Variants in TGFBR1 observed in about 807,000 individuals in gnomAD.
The protein encoded by TGFBR1 is TGF-beta receptor type-1.
A neutral mutation model predicts 55.1 loss-of-function variants in TGFBR1; 20 were observed. The ratio of observed to expected loss-of-function variants is 0.36; its 90% CI spans 0.26 to 0.53. The LOEUF is 0.53. Among genes scored for constraint, TGFBR1 ranks in the 20% least tolerant of loss-of-function variants. The pLI, the probability that TGFBR1 is intolerant of heterozygous loss-of-function variation, is 0.91. For synonymous variants in TGFBR1, 220 were observed against 214.8 expected, an observed-to-expected ratio of 1.02 and a Z score of -0.21; for missense variants, 385 against 617.6, an observed-to-expected ratio of 0.62 and a Z score of 3.99.
In TGFBR1 at chr9:99,114,101, C is replaced by T. The variant is rs145440675; in HGVS notation, c.97+8799C>T. On this transcript the variant is annotated intron_variant, in intron 1 of 8. Transcript: ENST00000374994. ...CAAGATGAGCAGTATCTTGTTGCTC[C>T]TGTATTATACGAGAAAAGTTAGTTT... 3.8e-4 allele frequency among the ~76,000 whole-genome samples: 58 copies of T among 152,230 alleles called. No homozygotes were observed. The East Asian group carries it at 0.011, about 28-fold the overall frequency.
Position 99,140,463 on chromosome 9 carries a change from A to C in TGFBR1, c.806-2073A>C, listed in dbSNP as rs138475042. On this transcript the variant is annotated intron_variant, in intron 4 of 8. Transcript: ENST00000374994. Reference sequence around the variant, plus strand: ...ACAGGGAGACTCTGTCTCAAAAAAAAAACAACAACAAAACAAAACAAAACA... The same window carrying C: ...ACAGGGAGACTCTGTCTCAAAAAAACAACAACAACAAAACAAAACAAAACA... 3.8e-3 allele frequency among the ~76,000 whole-genome samples: 577 copies of C among 152,092 alleles called. 12 individuals are homozygous for C. The highest frequency in any genetic ancestry group is 0.034 in the East Asian group (174 of 5,188).
chr9:99,123,324 A>C (rs1038611453), intron 1 of TGFBR1, among the ~76,000 whole-genome samples: 3 of 152,142 alleles, frequency 2.0e-5, no homozygotes, highest in Non-Finnish European at 1.5e-5. Context: ...TGTGCATCTC[A>C]AGATTAAGAA....
intron 5 of TGFBR1, among the ~76,000 whole-genome samples, 198 bp downstream of exon 5, chr9:99,142,901 T>TA (rs1827666504): frequency 6.6e-6 from 1 of 151,936 alleles, no homozygotes; most frequent in Non-Finnish European, 1.5e-5. Flanking sequence ...TCTACCAACA[T>TA]ACAAAAAATT....
chr9:99,114,995 A>G (rs200434637), intron 1 of TGFBR1, among the ~76,000 whole-genome samples: 20 of 152,212 alleles, frequency 1.3e-4, no homozygotes, highest in Non-Finnish European at 2.9e-5. Context: ...CAGTAATCCC[A>G]GTATTCATGG....
intron 7 of TGFBR1, 112 bp from the exon 8 acceptor site, chr9:99,147,542 C>T (rs1216825751): frequency 9.9e-7 from 1 of 1,013,964 alleles, no homozygotes; most frequent in East Asian, 2.5e-5. Context: ...CTCTGTTCCA[C>T]ATACCTACTT....
intron 3 of TGFBR1, among the ~76,000 whole-genome samples, chr9:99,136,380 CT>C (rs1193017798): frequency 6.6e-6 from 1 of 152,076 alleles, no homozygotes; most frequent in Non-Finnish European, 1.5e-5. Context: ...ATTCCTTTTT[CT>C]TTTTTATTAC....
At chr9:99,134,799 CCATTATATATATATATATATAT>C (rs1171663603) in intron 3 of TGFBR1, among the ~76,000 whole-genome samples, 5 of 69,746 alleles carry the variant, frequency 7.2e-5, no homozygotes, top group African/African-American at 2.2e-4. Flanking sequence ...AATTCTGTTT[CCATTATATATATATATATATAT>C]ATATATATAT....
chr9:99,112,274 G>A (rs1282564257), intron 1 of TGFBR1, among the ~76,000 whole-genome samples: 1 of 151,412 alleles, frequency 6.6e-6, no homozygotes. Context: ...TAGTAGTAGG[G>A]CCTGTGTGTG....
intron 8 of TGFBR1, 117 bp downstream of exon 8, chr9:99,147,901 G>C (rs542240716): frequency 4.1e-6 from 5 of 1,223,514 alleles, no homozygotes; most frequent in Non-Finnish European, 5.9e-6. Context: ...TTTCATAGCA[G>C]TCAAACCAAT....
upstream of TGFBR1, chr9:99,105,012 T>G (rs1409399937): frequency 2.9e-5 from 10 of 342,112 alleles, no homozygotes; most frequent in Non-Finnish European, 3.5e-5. Flanking sequence ...GGGTCCCGCT[T>G]GGCAGCTCGC....
rs536066809 is a variant in TGFBR1, at chr9:99,136,699, C to T, written c.575-1160C>T. 8.5e-5 allele frequency among the ~76,000 whole-genome samples: 13 copies of T among 152,162 alleles called. No individual in the cohort carries two copies. In the South Asian group the frequency reaches 2.3e-3, roughly 27 times the overall value. ...AGGAAGAAAGGACCCGTTTGAGAAA[C>T]TTAAGAAGAAGAGCTTCTGATCGCT... On this transcript the variant is annotated intron_variant, in intron 3 of 8. Coordinates refer to ENST00000374994, the MANE Select transcript of TGFBR1 (RefSeq NM_004612.4).
At chr9:99,132,388 C>T (rs1827262420) in intron 2 of TGFBR1, 121 bp from the exon 3 acceptor site, 1 of 1,524,104 alleles carries the variant, frequency 6.6e-7, no homozygotes, top group South Asian at 1.2e-5. Context: ...TAATGAGGCT[C>T]TTTGGCTAAG....
chr9:99,144,353 A>G (rs1291144366), intron 5 of TGFBR1, among the ~76,000 whole-genome samples: 7 of 152,178 alleles, frequency 4.6e-5, no homozygotes, highest in Non-Finnish European at 1.0e-4. Flanking sequence ...CTTAATACTG[A>G]GTACATTGCA....
intron 1 of TGFBR1, among the ~76,000 whole-genome samples, chr9:99,126,017 A>G (rs182833963): frequency 6.6e-6 from 1 of 152,332 alleles, no homozygotes; most frequent in Admixed American, 6.5e-5. Context: ...AGCACTATGG[A>G]ACATATTGAA....
chr9:99,129,894 G>A (rs922855762), intron 2 of TGFBR1, among the ~76,000 whole-genome samples: 2 of 151,550 alleles, frequency 1.3e-5, no homozygotes, highest in Non-Finnish European at 2.9e-5. Context: ...GTGAGGCTCT[G>A]TCTAAAAAAA....
intron 1 of TGFBR1, among the ~76,000 whole-genome samples, chr9:99,107,191 C>G (rs1299510770): frequency 6.6e-6 from 1 of 152,238 alleles, no homozygotes; most frequent in African/African-American, 2.4e-5. Context: ...TAAGCCCAGA[C>G]TGCCTCAGCT....
At chr9:99,144,649 G>A in intron 5 of TGFBR1, 83 bp from the exon 6 acceptor site, 2 of 1,549,584 alleles carry the variant, frequency 1.3e-6, no homozygotes. Context: ...TTTGGGTTGG[G>A]AGAAGAGACT....
At chr9:99,138,854 G>A (rs1046815854) in intron 4 of TGFBR1, among the ~76,000 whole-genome samples, 1 of 151,834 alleles carries the variant, frequency 6.6e-6, no homozygotes, top group Non-Finnish European at 1.5e-5. Context: ...CTGGAGTACA[G>A]TGGTGCAATC....
rs1408991151 is a variant in TGFBR1 at position 99,149,510 on chromosome 9, CG to C, written c.*206del. The C allele has an allele frequency of 3.5e-6, 2 of 576,906 alleles. No individual in the cohort carries two copies. The highest frequency in any genetic ancestry group is 6.1e-6 in the Non-Finnish European group (2 of 329,096). The allele number at this position is 576,906 out of a possible 1,614,324, so 35.7% of individuals were successfully genotyped here. ...GTGGGTCCTTTCTGTGCACTATGAA[CG>C]CTTCTTTCCCAGGACAGAAAATGTG... On this transcript the variant is annotated 3_prime_UTR_variant, in exon 9 of 9. Transcript: ENST00000374994.
Sources: gnomAD v4.1 joint callset for allele counts (sites outside exome capture counted in the v4.1 genomes callset) on GRCh38, gnomAD v4.1.1 for gene constraint, MANE v1.5 for transcripts, NCBI Gene and HGNC (gene_info 2026-07-23, HGNC 2026-07-21) for gene names.